The following WWOX variants were observed in gnomAD, a reference collection of about 807,000 sequenced individuals.
WWOX encodes WW domain containing oxidoreductase.
In WWOX, 69 loss-of-function variants were observed where a neutral mutation model predicts 46.2. The ratio of observed to expected loss-of-function variants is 1.49; its 90% confidence interval spans 1.23 to 1.82. The LOEUF (loss-of-function observed/expected upper bound fraction) is 1.82, where lower values mean the gene tolerates loss of function less well. Ranked by LOEUF, WWOX falls within the 40% of genes most tolerant of loss-of-function variation. WWOX has a pLI of 0.00. For missense variants in WWOX, 919 were observed against 542.6 expected (o/e 1.69, Z -6.89); for synonymous variants, 359 against 202.6 (o/e 1.77, Z -6.56).
intron 5 of WWOX, 45 bp downstream of exon 5, chr16:78,164,334 A>G (rs763254865): frequency 1.3e-6 from 2 of 1,550,092 alleles, no homozygotes; most frequent in African/African-American, 1.4e-5. Flanking sequence ...TCAAATACAC[A>G]TGCCGGGCTA....
intron 8 of WWOX, among the ~76,000 whole-genome samples, chr16:79,019,180 A>AAAAG (rs1555512794): frequency 0.036 from 1,146 of 31,922 alleles, 146 homozygotes; most frequent in African/African-American, 0.12. Flanking sequence ...AAAAAAAAAA[A>AAAAG]AAAAAGAAAA....
intron 8 of WWOX, among the ~76,000 whole-genome samples, chr16:79,034,048 C>A (rs537763005): frequency 6.6e-6 from 1 of 152,328 alleles, no homozygotes; most frequent in South Asian, 2.1e-4. Flanking sequence ...TGGCTCACGG[C>A]TGTGGCTGTG....
intron 5 of WWOX, among the ~76,000 whole-genome samples, chr16:78,175,559 C>T (rs1597310605): frequency 6.6e-6 from 1 of 152,126 alleles, no homozygotes; most frequent in Non-Finnish European, 1.5e-5. Flanking sequence ...GAAACTCAAG[C>T]AGACCTGAGG....
At chr16:78,218,762 G>A (rs1324687611) in intron 5 of WWOX, among the ~76,000 whole-genome samples, 3 of 152,242 alleles carry the variant, frequency 2.0e-5, no homozygotes, top group African/African-American at 7.2e-5. Context: ...TGTGCGCCGT[G>A]CAGTGTGGAA....
At chr16:78,792,159 C>T (rs1053957088) in intron 8 of WWOX, among the ~76,000 whole-genome samples, 1 of 152,248 alleles carries the variant, frequency 6.6e-6, no homozygotes, top group African/African-American at 2.4e-5. Context: ...CAGTGGCCCG[C>T]AGCAATAAAC....
intron 8 of WWOX, among the ~76,000 whole-genome samples, chr16:78,732,527 A>G (rs1323227855): frequency 6.6e-6 from 1 of 152,142 alleles, no homozygotes; most frequent in Non-Finnish European, 1.5e-5. Flanking sequence ...GACCCACAGA[A>G]TTCATGAATA....
At chr16:78,141,142 T>G (rs1174752199) in intron 4 of WWOX, among the ~76,000 whole-genome samples, 2 of 152,200 alleles carry the variant, frequency 1.3e-5, no homozygotes, top group Non-Finnish European at 2.9e-5. Context: ...CTTGAGCAAG[T>G]GAGTTCGAAT....
intron 8 of WWOX, among the ~76,000 whole-genome samples, chr16:78,497,925 G>C (rs954881925): frequency 3.3e-5 from 5 of 151,930 alleles, no homozygotes; most frequent in African/African-American, 9.7e-5. Flanking sequence ...TCAGGGGGCT[G>C]GGAGCAGTAG....
At chr16:78,284,784 A>G (rs2079739671) in intron 5 of WWOX, among the ~76,000 whole-genome samples, 1 of 152,232 alleles carries the variant, frequency 6.6e-6, no homozygotes, top group Admixed American at 6.5e-5. Flanking sequence ...GGGTTGGCTT[A>G]AGAGTTGACT....
intron 8 of WWOX, among the ~76,000 whole-genome samples, chr16:79,125,004 A>G (rs1464855054): frequency 6.6e-6 from 1 of 151,242 alleles, no homozygotes; most frequent in Non-Finnish European, 1.5e-5. Flanking sequence ...CACAGCTGGG[A>G]TTATAATCCA....
chr16:78,864,108 G>A (rs556678158), intron 8 of WWOX, among the ~76,000 whole-genome samples: 28 of 152,174 alleles, frequency 1.8e-4, no homozygotes, highest in Admixed American at 7.9e-4. Context: ...TTAGGGATAT[G>A]TATTTATATC....
At chr16:78,846,540 C>T (rs1369663503) in intron 8 of WWOX, among the ~76,000 whole-genome samples, 1 of 152,056 alleles carries the variant, frequency 6.6e-6, no homozygotes, top group East Asian at 1.9e-4. Context: ...TGACGTGGTG[C>T]ATTTTTGGGA....
At chr16:78,805,962 T>C (rs1173384787) in intron 8 of WWOX, among the ~76,000 whole-genome samples, 1 of 152,128 alleles carries the variant, frequency 6.6e-6, no homozygotes, top group Non-Finnish European at 1.5e-5. Context: ...CACCCTATAA[T>C]CTCGAGACAG....
At chr16:78,167,509 A>C (rs2035012161) in intron 5 of WWOX, 1 of 152,198 alleles carries the variant, frequency 6.6e-6, no homozygotes, top group South Asian at 2.1e-4. Context: ...GACACAGAAA[A>C]AGGAAAATGG....
chr16:78,401,210 A>G (rs1721075339), intron 6 of WWOX, among the ~76,000 whole-genome samples: 1 of 152,086 alleles, frequency 6.6e-6, no homozygotes, highest in South Asian at 2.1e-4. Context: ...ATATTTTTGC[A>G]AGATATTTTT....
intron 8 of WWOX, among the ~76,000 whole-genome samples, chr16:78,587,628 C>T (rs1291000789): frequency 1.3e-5 from 2 of 151,996 alleles, no homozygotes; most frequent in African/African-American, 4.8e-5. Flanking sequence ...GTGTTGGATC[C>T]ATAGGACATT....
At chr16:78,285,961 A>C (rs555364957) in intron 5 of WWOX, among the ~76,000 whole-genome samples, 1 of 152,270 alleles carries the variant, frequency 6.6e-6, no homozygotes, top group African/African-American at 2.4e-5. Flanking sequence ...CCTGCTAGTG[A>C]ATTATGCATG....
At chr16:78,248,165 C>T (rs2037870494) in intron 5 of WWOX, among the ~76,000 whole-genome samples, 1 of 152,114 alleles carries the variant, frequency 6.6e-6, no homozygotes, top group Non-Finnish European at 1.5e-5. Flanking sequence ...GTTCCACAGG[C>T]TGTACAGGAA....
intron 8 of WWOX, among the ~76,000 whole-genome samples, chr16:78,901,599 C>T (rs1053002818): frequency 6.6e-6 from 1 of 152,172 alleles, no homozygotes; most frequent in South Asian, 2.1e-4. Context: ...GTCATCCTCC[C>T]ACCTCAGCCT....
Sources: allele counts gnomAD v4.1 joint callset (sites outside exome capture counted in the v4.1 genomes callset), GRCh38; gene constraint gnomAD v4.1.1; transcripts MANE v1.5; gene names NCBI Gene and HGNC (gene_info 2026-07-23, HGNC 2026-07-21).